The following MCM9 variants were observed in gnomAD, a reference collection of about 807,000 sequenced individuals.
MCM9 encodes the protein minichromosome maintenance 9 homologous recombination repair factor, also known as DNA helicase MCM9.
Under a neutral mutation model 72.8 loss-of-function variants are expected in MCM9, and 55 were observed. That is an observed-to-expected ratio of 0.76 (90% CI 0.61 to 0.95). The LOEUF (loss-of-function observed/expected upper bound fraction) is 0.95, where lower values mean the gene tolerates loss of function less well. Among genes scored for constraint, MCM9 ranks in the 40% least tolerant of loss-of-function variants. The pLI is 0.00. For missense variants in MCM9, 1,279 were observed against 1,377.0 expected, an observed-to-expected ratio of 0.93 and a Z score of 1.13; for synonymous variants, 480 against 503.4, an observed-to-expected ratio of 0.95 and a Z score of 0.62.
intron 8 of MCM9, 82 bp downstream of exon 8, chr6:118,911,568 A>G (rs1780545243): frequency 6.6e-7 from 1 of 1,518,994 alleles, no homozygotes; most frequent in South Asian, 1.3e-5. Flanking sequence ...TTATCCTATT[A>G]TAGGTAGTTT....
intron 9 of MCM9, among the ~76,000 whole-genome samples, chr6:118,835,604 T>C (rs1037068499): frequency 2.6e-5 from 4 of 152,204 alleles, no homozygotes; most frequent in Non-Finnish European, 5.9e-5. Flanking sequence ...TTTATTCTCT[T>C]TGTAGCAATT....
chr6:118,933,808 G>A (rs1436751659), intron 1 of MCM9, among the ~76,000 whole-genome samples: 2 of 152,126 alleles, frequency 1.3e-5, no homozygotes, highest in East Asian at 1.9e-4. Context: ...AGGCCAGAGT[G>A]AGAGTAAGAA....
intron 9 of MCM9, among the ~76,000 whole-genome samples, chr6:118,846,993 CCT>C (rs1162005690): frequency 1.3e-5 from 2 of 151,724 alleles, no homozygotes; most frequent in Non-Finnish European, 2.9e-5. Flanking sequence ...AACACAGTGC[CCT>C]GACTTGAATA....
chr6:118,916,133 G>A (rs528127075), intron 6 of MCM9, among the ~76,000 whole-genome samples: 20 of 151,500 alleles, frequency 1.3e-4, no homozygotes, highest in Middle Eastern at 6.8e-3. Context: ...TGTGAGGATC[G>A]CTTGAGCCTA....
At chr6:118,905,307 G>T (rs1215826427) in intron 8 of MCM9, among the ~76,000 whole-genome samples, 5 of 152,294 alleles carry the variant, frequency 3.3e-5, no homozygotes, top group Non-Finnish European at 7.3e-5. Context: ...TGAAAATTAT[G>T]ACTGAAAAGG....
intron 8 of MCM9, among the ~76,000 whole-genome samples, chr6:118,876,476 G>A (rs1777939465): frequency 6.6e-6 from 1 of 152,156 alleles, no homozygotes. Context: ...TGTATGCATG[G>A]CAGGGAGGGA....
At position 118,922,970 on chromosome 6, in the gene MCM9, T is replaced by G. The variant is rs1346745650; in HGVS notation, c.621+841A>C. On this transcript the variant is annotated intron_variant, in intron 4 of 13. Coordinates refer to ENST00000619706, the MANE Select transcript of MCM9 (RefSeq NM_017696.3). ...ATGCTTGAACCCAGGAGGTAGAGGT[T>G]ACAGTGAGTCAAGATCACACCATTG... 3.7e-5 allele frequency among the ~76,000 whole-genome samples: 5 copies of G among 135,666 alleles called. No individual in the cohort carries two copies. In the Admixed American group the frequency reaches 4.3e-4, roughly 12 times the overall value. The allele number at this position is 135,666 out of a possible 152,430, so 89.0% of individuals were successfully genotyped here. A position where few individuals can be genotyped will look rare whatever the true frequency, so the allele number is the denominator to read the frequency against.
At position 118,815,359 on chromosome 6, in the gene MCM9, A is replaced by AAGGCTGCGTCTCTTCTTGTTCT. The variant is rs1332083545; in HGVS notation, c.2875_2896dup (p.Leu966Ter). ...TAACTTTCCTGGACGCTTCACCGGC[A>AAGGCTGCGTCTCTTCTTGTTCT]AGGCTGCGTCTCTTCTTGTTCTACG... is the stretch of plus-strand genomic sequence containing the variant. On this transcript the variant is annotated stop_gained and frameshift_variant, in exon 14 of 14. Coordinates refer to ENST00000619706, the MANE Select transcript of MCM9 (RefSeq NM_017696.3). LOFTEE classifies it low-confidence loss of function (END_TRUNC). 158 of 1,550,300 alleles carry AAGGCTGCGTCTCTTCTTGTTCT rather than the reference A, an allele frequency of 1.0e-4. No individual in the cohort carries two copies. Among genetic ancestry groups the AAGGCTGCGTCTCTTCTTGTTCT allele is most frequent in the Non-Finnish European group, 1.3e-4 (144 of 1,146,874 alleles).
intron 5 of MCM9, chr6:118,921,104 AG>A: frequency 6.6e-6 from 1 of 152,310 alleles, no homozygotes. Flanking sequence ...AGGCTCAGAA[AG>A]TCTTTAAATT....
At chr6:118,923,667 G>T in intron 4 of MCM9, 144 bp downstream of exon 4, 3 of 693,260 alleles carry the variant, frequency 4.3e-6, no homozygotes, top group Non-Finnish European at 7.2e-6. Context: ...TCAGATATAT[G>T]TGGAACAGTT....
rs558858675 is a variant in MCM9, at chr6:118,884,478, G to C, written c.1150+27172C>G. On this transcript the variant is annotated intron_variant, in intron 8 of 13. Coordinates refer to ENST00000619706, the MANE Select transcript of MCM9 (RefSeq NM_017696.3). ...ATGCTATACTAGAAAATATTCATTT[G>C]ATACAAAGGAAAGCAGTAAAAAAGG... Among the ~76,000 whole-genome samples the C allele has an allele frequency of 6.6e-5, 10 of 151,476 alleles. No individual in the cohort carries two copies. In the East Asian group the frequency reaches 1.7e-3, roughly 26 times the overall value.
At chr6:118,835,214 G>C (rs956355711) in intron 9 of MCM9, among the ~76,000 whole-genome samples, 6 of 152,074 alleles carry the variant, frequency 3.9e-5, no homozygotes, top group African/African-American at 1.4e-4. Flanking sequence ...CTATATATCT[G>C]TTTTTGGTAC....
intron 8 of MCM9, among the ~76,000 whole-genome samples, chr6:118,880,714 AC>A (rs1404774196): frequency 6.6e-6 from 1 of 152,206 alleles, no homozygotes; most frequent in African/African-American, 2.4e-5. Flanking sequence ...TTCCTTTCAA[AC>A]TTTGGGTTTT....
At chr6:118,817,668 T>C (rs567551218) in intron 13 of MCM9, among the ~76,000 whole-genome samples, 70 of 152,356 alleles carry the variant, frequency 4.6e-4, no homozygotes, top group African/African-American at 1.5e-3. Flanking sequence ...ATGGGATTGC[T>C]GGTTCAAATG....
rs114982447 is a variant in MCM9, at chr6:118,814,759, T to C, written c.*65A>G. 9.9e-4 allele frequency: 1,368 copies of C among 1,383,094 alleles called. 12 individuals are homozygous for C. The African/African-American group carries it at 0.018, about 18-fold the overall frequency. 85.7% of individuals were successfully genotyped at this position (1,383,094 alleles called of 1,614,324 possible). ...GTTCTATACATTTATAAATACCATA[T>C]TGATATCCTGAAGGTCCTCTGTGGA... On this transcript the variant is annotated 3_prime_UTR_variant, in exon 14 of 14. Transcript: ENST00000619706.
At chr6:118,891,849 A>T (rs989765107) in intron 8 of MCM9, among the ~76,000 whole-genome samples, 7 of 152,216 alleles carry the variant, frequency 4.6e-5, no homozygotes, top group African/African-American at 1.7e-4. Context: ...TCCCCCAAGT[A>T]ACCCATAGTG....
intron 13 of MCM9, among the ~76,000 whole-genome samples, chr6:118,820,197 C>G (rs1562397955): frequency 6.6e-6 from 1 of 152,066 alleles, no homozygotes; most frequent in Non-Finnish European, 1.5e-5. Context: ...TTCTCTAGTT[C>G]TTTTAATTGT....
At chr6:118,913,823 A>C (rs2114271607) in intron 6 of MCM9, among the ~76,000 whole-genome samples, 1 of 151,652 alleles carries the variant, frequency 6.6e-6, no homozygotes, top group Non-Finnish European at 1.5e-5. Flanking sequence ...GGCTGGTCTC[A>C]CTCCTGGGCT....
intron 9 of MCM9, among the ~76,000 whole-genome samples, chr6:118,841,702 TA>T (rs1336607424): frequency 6.6e-6 from 1 of 152,212 alleles, no homozygotes; most frequent in African/African-American, 2.4e-5. Context: ...CCTGTCTTGT[TA>T]CACGGTTGTG....
Sources: allele counts gnomAD v4.1 joint callset (sites outside exome capture counted in the v4.1 genomes callset), GRCh38; gene constraint gnomAD v4.1.1; transcripts MANE v1.5; gene names NCBI Gene and HGNC (gene_info 2026-07-23, HGNC 2026-07-21).